The following MACROD2 variants were observed in gnomAD, a reference collection of about 807,000 sequenced individuals.
MACROD2 encodes the protein mono-ADP ribosylhydrolase 2.
Under a neutral mutation model 70.4 loss-of-function variants are expected in MACROD2, and 36 were observed. That is an observed-to-expected ratio of 0.51 (90% CI 0.39 to 0.68). The LOEUF (loss-of-function observed/expected upper bound fraction) is 0.68, where lower values mean the gene tolerates loss of function less well. Ranked by LOEUF, MACROD2 falls within the 30% of genes least tolerant of loss-of-function variation. The probability of loss-of-function intolerance (pLI) is 0.00; values close to 1 mark genes in which losing one functional copy is unlikely to be tolerated. For missense variants in MACROD2, 496 were observed against 538.4 expected (o/e 0.92, Z 0.78); for synonymous variants, 172 against 178.8 (o/e 0.96, Z 0.30).
At chr20:14,443,812 CT>C (rs1305182434) in intron 3 of MACROD2, among the ~76,000 whole-genome samples, 1 of 152,052 alleles carries the variant, frequency 6.6e-6, no homozygotes, top group Non-Finnish European at 1.5e-5. Context: ...AAGCCATAGT[CT>C]CCTTGCCTGC....
chr20:15,749,706 G>A (rs2051239029), intron 8 of MACROD2, among the ~76,000 whole-genome samples: 1 of 152,068 alleles, frequency 6.6e-6, no homozygotes, highest in East Asian at 1.9e-4. Context: ...TGTGACATGG[G>A]TTAAAAATCT....
chr20:15,444,341 C>T (rs1222172583), intron 7 of MACROD2, among the ~76,000 whole-genome samples: 2 of 152,096 alleles, frequency 1.3e-5, no homozygotes, highest in Non-Finnish European at 2.9e-5. Flanking sequence ...CTGTTGTGAA[C>T]GATGTTTAGA....
chr20:14,216,244 A>C (rs983136047), intron 3 of MACROD2, among the ~76,000 whole-genome samples: 3 of 151,988 alleles, frequency 2.0e-5, no homozygotes, highest in Non-Finnish European at 4.4e-5. Context: ...TTATTCCACC[A>C]CCATTTGTTG....
intron 5 of MACROD2, among the ~76,000 whole-genome samples, chr20:14,908,177 C>G (rs868510098): frequency 1.3e-5 from 2 of 151,776 alleles, no homozygotes; most frequent in South Asian, 2.1e-4. Flanking sequence ...AATCTTTTCT[C>G]TACTAACAAT....
At chr20:15,234,721 A>G (rs1007292756) in intron 6 of MACROD2, among the ~76,000 whole-genome samples, 1 of 152,178 alleles carries the variant, frequency 6.6e-6, no homozygotes, top group African/African-American at 2.4e-5. Flanking sequence ...GAAATCGTGT[A>G]TATTGGTGAA....
intron 4 of MACROD2, among the ~76,000 whole-genome samples, chr20:14,503,820 A>G (rs2423789): frequency 0.82 from 124,900 of 152,196 alleles, 51,674 homozygotes; most frequent in East Asian, 1. Context: ...AGCTTTGCAG[A>G]ACAGACCAAA....
intron 4 of MACROD2, among the ~76,000 whole-genome samples, chr20:14,611,188 G>A (rs1486998076): frequency 6.6e-6 from 1 of 152,038 alleles, no homozygotes; most frequent in Admixed American, 6.6e-5. Flanking sequence ...GCAAGAGCTT[G>A]GACAAGTCAT....
intron 6 of MACROD2, among the ~76,000 whole-genome samples, chr20:15,261,058 T>C (rs1346577648): frequency 1.3e-5 from 2 of 152,012 alleles, no homozygotes; most frequent in Non-Finnish European, 2.9e-5. Context: ...GCTGCTGTGA[T>C]TAGACATTTC....
intron 5 of MACROD2, among the ~76,000 whole-genome samples, chr20:14,711,577 TG>T (rs2071338826): frequency 6.6e-6 from 1 of 152,172 alleles, no homozygotes; most frequent in South Asian, 2.1e-4. Context: ...ACATTCATCT[TG>T]GGGCTAATTT....
At chr20:14,643,313 G>A (rs1985195808) in intron 4 of MACROD2, among the ~76,000 whole-genome samples, 1 of 152,166 alleles carries the variant, frequency 6.6e-6, no homozygotes, top group South Asian at 2.1e-4. Flanking sequence ...CTGAGAACTT[G>A]TTGGTTGAGT....
intron 3 of MACROD2, among the ~76,000 whole-genome samples, chr20:14,087,527 C>A (rs1178232400): frequency 6.6e-6 from 1 of 151,828 alleles, no homozygotes; most frequent in Non-Finnish European, 1.5e-5. Context: ...CTTCTGCTGC[C>A]TGTCTAAAAT....
intron 6 of MACROD2, among the ~76,000 whole-genome samples, chr20:15,341,893 T>C (rs6135392): frequency 0.18 from 27,449 of 148,706 alleles, 2,741 homozygotes; most frequent in Non-Finnish European, 0.23. Flanking sequence ...TCTACAAAAA[T>C]TTTTTAAAAA....
chr20:15,888,840 A>G (rs1471229393), intron 10 of MACROD2, among the ~76,000 whole-genome samples: 2 of 152,092 alleles, frequency 1.3e-5, no homozygotes, highest in African/African-American at 4.8e-5. Flanking sequence ...CTCACCAGAC[A>G]TTGGTGTGCA....
intron 3 of MACROD2, among the ~76,000 whole-genome samples, chr20:14,145,525 T>A (rs1444326650): frequency 6.6e-6 from 1 of 152,194 alleles, no homozygotes; most frequent in East Asian, 1.9e-4. Flanking sequence ...GTAGAAGATA[T>A]GTCCTGGGGA....
chr20:14,486,513 C>CCTTT (rs1555795563), intron 3 of MACROD2, among the ~76,000 whole-genome samples: 9 of 97,064 alleles, frequency 9.3e-5, no homozygotes, highest in African/African-American at 3.6e-4. Context: ...AAATAGCCAA[C>CCTTT]TTTTTATTTT....
intron 6 of MACROD2, among the ~76,000 whole-genome samples, chr20:15,382,871 G>T (rs1386183589): frequency 6.6e-6 from 1 of 150,684 alleles, no homozygotes; most frequent in Non-Finnish European, 1.5e-5. Context: ...GAAATGAAGG[G>T]GTTGAAAAGT....
At chr20:15,278,700 CAT>C (rs1189718496) in intron 6 of MACROD2, among the ~76,000 whole-genome samples, 1 of 152,204 alleles carries the variant, frequency 6.6e-6, no homozygotes, top group Non-Finnish European at 1.5e-5. Flanking sequence ...TCTATAAACA[CAT>C]ATGATTTCGC....
At chr20:14,205,636 C>T (rs2081516988) in intron 3 of MACROD2, among the ~76,000 whole-genome samples, 1 of 152,184 alleles carries the variant, frequency 6.6e-6, no homozygotes, top group Admixed American at 6.5e-5. Context: ...TTAGGCAAGC[C>T]TCCTGTGCTA....
chr20:14,965,443 A>ATTTTTT (rs1479327790), intron 5 of MACROD2, among the ~76,000 whole-genome samples: 2 of 83,124 alleles, frequency 2.4e-5, no homozygotes, highest in Non-Finnish European at 5.3e-5. Context: ...GCTAAAAGTT[A>ATTTTTT]TTTTTTTTTC....
Sources: allele counts gnomAD v4.1 joint callset (sites outside exome capture counted in the v4.1 genomes callset), GRCh38; gene constraint gnomAD v4.1.1; transcripts MANE v1.5; gene names NCBI Gene and HGNC (gene_info 2026-07-23, HGNC 2026-07-21).